The following MKS1 variants were observed in gnomAD, a reference collection of about 807,000 sequenced individuals.
The protein encoded by MKS1 is MKS transition zone complex subunit 1.
Under a neutral mutation model 83.7 loss-of-function variants are expected in MKS1, and 70 were observed. The ratio of observed to expected loss-of-function variants is 0.84; its 90% CI spans 0.69 to 1.02. MKS1 has a LOEUF of 1.02. MKS1 is among the 50% of genes least tolerant of loss of function. The pLI is 0.00. For synonymous variants in MKS1, 251 were observed against 273.4 expected, an observed-to-expected ratio of 0.92 and a Z score of 0.81; for missense variants, 681 against 726.9, an observed-to-expected ratio of 0.94 and a Z score of 0.73.
intron 9 of MKS1, among the ~76,000 whole-genome samples, chr17:58,211,698 G>A (rs1178490858): frequency 6.6e-6 from 1 of 151,606 alleles, no homozygotes; most frequent in Non-Finnish European, 1.5e-5. Flanking sequence ...GAGTAGCTGG[G>A]ACTACAGGTA....
Position 58,214,434 on chromosome 17 carries a change from A to G in MKS1, c.516-47T>C. 5.6e-6 allele frequency: 9 copies of G among 1,611,976 alleles called. 1 individual carries two copies. The African/African-American group carries it at 8.0e-5, about 14-fold the overall frequency. On this transcript the variant is annotated intron_variant, in intron 5 of 17. Transcript: ENST00000393119. ...TCACTTCCCTGGCACACCCCAATGG[A>G]GCACCCCAGTGGAGAGCCACTTCAG...
At chr17:58,218,841 G>T in intron 1 of MKS1, 112 bp from the exon 2 acceptor site, 1 of 1,028,138 alleles carries the variant, frequency 9.7e-7, no homozygotes, top group South Asian at 1.3e-5. Context: ...GGTGTGCTGG[G>T]TGCAGACAAC....
rs565533857 is a variant in MKS1 at position 58,205,944 on chromosome 17, C to T, written c.*135G>A. 9.4e-4 allele frequency: 1,420 copies of T among 1,517,754 alleles called. 16 individuals carry two copies. The South Asian group carries it at 0.016, about 17-fold the overall frequency. 94.0% of individuals were successfully genotyped at this position (1,517,754 alleles called of 1,614,324 possible). A position where few individuals can be genotyped will look rare whatever the true frequency, so the allele number is the denominator to read the frequency against. ...CAGAAGGCTAGGCAGAGGGGCCAGC[C>T]GGGAATTTCCCAGCTTTTCTGGTTC... On this transcript the variant is annotated 3_prime_UTR_variant, in exon 18 of 18. Coordinates refer to ENST00000393119, the MANE Select transcript of MKS1 (RefSeq NM_017777.4).
Position 58,210,970 on chromosome 17 carries a change from A to G in MKS1, c.958+10T>C. The G allele has an allele frequency of 6.2e-7, 1 of 1,613,566 alleles. No individual in the cohort carries two copies. Among genetic ancestry groups the G allele is most frequent in the Non-Finnish European group, 8.5e-7 (1 of 1,179,508 alleles). ...AAGCATCAAGAGATCTATGCTAGCA[A>G]GACACTTACCGACCTCTCCATTTAC... On this transcript the variant is annotated intron_variant, in intron 10 of 17. Coordinates refer to ENST00000393119, the MANE Select transcript of MKS1 (RefSeq NM_017777.4).
chr17:58,206,686 TCTATTACCTCAAGG>T (rs1968535300), intron 15 of MKS1, 139 bp from the exon 16 acceptor site: 3 of 873,204 alleles, frequency 3.4e-6, no homozygotes, highest in East Asian at 2.6e-5. Flanking sequence ...TCACCCAGAC[TCTATTACCTCAAGG>T]CTAATACTGG....
At chr17:58,206,601 G>T in intron 15 of MKS1, 54 bp from the exon 16 acceptor site, 2 of 1,517,004 alleles carry the variant, frequency 1.3e-6, no homozygotes, top group South Asian at 1.1e-5. Flanking sequence ...AGACACCCCC[G>T]CACCATGCTG....
In MKS1 at chr17:58,212,448, C is replaced by T; in HGVS notation, c.859-14G>A. 4 of 1,614,130 alleles carry T rather than the reference C, an allele frequency of 2.5e-6. No individual in the cohort carries two copies. The highest frequency in any genetic ancestry group is 3.4e-6 in the Non-Finnish European group (4 of 1,180,010). Reference sequence around the variant, plus strand: ...CCGGCCATAAAGCTGAGGAAACAAACCAAACCAAAACTCAAGATGCAACCC... The same window carrying T: ...CCGGCCATAAAGCTGAGGAAACAAATCAAACCAAAACTCAAGATGCAACCC... On this transcript the variant is annotated splice_polypyrimidine_tract_variant and intron_variant, in intron 8 of 17. Coordinates refer to ENST00000393119, the MANE Select transcript of MKS1 (RefSeq NM_017777.4).
chr17:58,207,229 G>T lies in MKS1; in HGVS notation c.1274-11C>A. 1.2e-6 allele frequency: 2 copies of T among 1,613,824 alleles called. No individual in the cohort carries two copies. The highest frequency in any genetic ancestry group is 1.7e-6 in the Non-Finnish European group (2 of 1,180,022). ...TCAGGGTGTGTGAGCCTGCGCAAGG[G>T]AAGAGAAGACTGGGGCCAGGTCCAG... On this transcript the variant is annotated splice_polypyrimidine_tract_variant and intron_variant, in intron 14 of 17. Coordinates refer to ENST00000393119, the MANE Select transcript of MKS1 (RefSeq NM_017777.4).
At chr17:58,208,281 C>T (rs543945391) in intron 12 of MKS1, 107 bp from the exon 13 acceptor site, 1 of 1,130,058 alleles carries the variant, frequency 8.8e-7, no homozygotes, top group East Asian at 2.4e-5. Flanking sequence ...AATTATCACC[C>T]AGGTGGGAAA....
At chr17:58,216,765 C>G in intron 2 of MKS1, 29 bp from the exon 3 acceptor site, 1 of 1,609,386 alleles carries the variant, frequency 6.2e-7, no homozygotes, top group Non-Finnish European at 8.5e-7. Flanking sequence ...GAATCAAATG[C>G]TTGAGCCAAA....
rs1025860017 is a variant in MKS1 at position 58,218,354 on chromosome 17, A to G, written c.190+266T>C. Among the ~76,000 whole-genome samples, 4 of 146,614 alleles carry G rather than the reference A, an allele frequency of 2.7e-5. No homozygotes were observed. In the Admixed American group the frequency reaches 2.8e-4, roughly 10 times the overall value. On this transcript the variant is annotated intron_variant, in intron 2 of 17. Coordinates refer to ENST00000393119, the MANE Select transcript of MKS1 (RefSeq NM_017777.4). Reference sequence around the variant, plus strand: ...TCCCAGCTACTCGGGAGGCTGAGGCAGGAGAATCGCGTGAACCCGGGAGGC... The same window carrying G: ...TCCCAGCTACTCGGGAGGCTGAGGCGGGAGAATCGCGTGAACCCGGGAGGC...
chr17:58,206,154 G>C lies in MKS1; in HGVS notation c.1605C>G (p.Ala535=), dbSNP rs35493987. Residue 535 remains alanine, a synonymous_variant, in exon 18 of 18, where the codon GCC becomes GCG. Transcript: ENST00000393119. ...IHNVLEAFRR[A]RRRMQEARES... is the part of the protein sequence containing the mutation. ...CCCGGGCCTCCTGCATGCGGCGCCGGGCTCGACGGAAGGCCTCTGTAAGGA... is the reference window on the plus strand; with the variant it reads ...CCCGGGCCTCCTGCATGCGGCGCCGCGCTCGACGGAAGGCCTCTGTAAGGA... 2.8e-5 allele frequency: 45 copies of C among 1,613,880 alleles called. No individual in the cohort carries two copies. In the African/African-American group the frequency reaches 5.6e-4, roughly 20 times the overall value.
chr17:58,216,114 A>G lies in MKS1; in HGVS notation c.391T>C (p.Ser131Pro). Residue 131 changes from serine (S) to proline (P), a missense_variant, in exon 4 of 18, where the codon TCT (serine) becomes CCT (proline). Coordinates refer to ENST00000393119, the MANE Select transcript of MKS1 (RefSeq NM_017777.4). ...TCCTCCAAATTGGTGTATCTATCAG[A>G]GTCAGTGTAGGTAAAGATTCGTCGG... Reference protein sequence around the residue: ...KNRRIFTYTDSDRYTNLEEHC... With the variant: ...KNRRIFTYTDPDRYTNLEEHC... The G allele has an allele frequency of 6.2e-7, 1 of 1,614,214 alleles. No homozygotes were observed. The highest frequency in any genetic ancestry group is 8.5e-7 in the Non-Finnish European group (1 of 1,180,030).
intron 5 of MKS1, 142 bp from the exon 6 acceptor site, chr17:58,214,529 A>G: frequency 1.4e-6 from 2 of 1,393,744 alleles, no homozygotes; most frequent in Non-Finnish European, 2.0e-6. Context: ...TTTGACAAAC[A>G]GAAATGACAT....
At chr17:58,216,621 T>C (rs895762739) in intron 3 of MKS1, 45 bp downstream of exon 3, 4 of 1,583,328 alleles carry the variant, frequency 2.5e-6, no homozygotes, top group African/African-American at 1.3e-5. Flanking sequence ...CATGTGGAGG[T>C]AGACCAGATG....
rs1197155331 is a variant in MKS1 at position 58,213,787 on chromosome 17, T to A, written c.727A>T (p.Thr243Ser). 1.2e-6 allele frequency: 2 copies of A among 1,613,834 alleles called. No individual in the cohort carries two copies. The highest frequency in any genetic ancestry group is 1.7e-6 in the Non-Finnish European group (2 of 1,179,832). Reference protein sequence around the residue: ...NGVITVKPDFTGLKGPYRIET... With the variant: ...NGVITVKPDFSGLKGPYRIET... Reference sequence around the variant, plus strand: ...CACCTGTAGGGTCCTTTGAGGCCCGTGAAGTCAGGCTTTACTGTGATCACA... The same window carrying A: ...CACCTGTAGGGTCCTTTGAGGCCCGAGAAGTCAGGCTTTACTGTGATCACA... The change falls in exon 7 of 18, where the codon ACG (threonine) becomes TCG (serine). Residue 243 changes from threonine to serine, a missense_variant. By Grantham distance (58) the Thr-to-Ser change is moderately conservative. Around this residue, in one of 3 missense-constraint regions of MKS1, gnomAD observed 365 missense variants for 383.8 expected, o/e 0.95. Transcript: ENST00000393119.
intron 5 of MKS1, 100 bp from the exon 6 acceptor site, chr17:58,214,487 C>G (rs1009514382): frequency 5.0e-5 from 79 of 1,570,738 alleles, no homozygotes; most frequent in Non-Finnish European, 6.8e-5. Flanking sequence ...AGTGGACATA[C>G]TGTTTTGTTT....
intron 7 of MKS1, 108 bp from the exon 8 acceptor site, chr17:58,213,198 G>C (rs1271181771): frequency 9.8e-7 from 1 of 1,015,324 alleles, no homozygotes; most frequent in Non-Finnish European, 1.5e-6. Flanking sequence ...CCTCACTAAA[G>C]TATATGATGA....
chr17:58,207,240 T>A (rs752522192), intron 14 of MKS1, 22 bp from the exon 15 acceptor site: 2 of 1,613,030 alleles, frequency 1.2e-6, no homozygotes, highest in Non-Finnish European at 8.5e-7. Context: ...AAGAGAAGAC[T>A]GGGGCCAGGT....
Sources: gnomAD v4.1 joint callset for allele counts (sites outside exome capture counted in the v4.1 genomes callset) on GRCh38, gnomAD v4.1.1 for gene constraint, gnomAD v4.1.1 regional missense constraint, MANE v1.5 for transcripts, NCBI Gene and HGNC (gene_info 2026-07-23, HGNC 2026-07-21) for gene names.